The following NRXN3 variants were observed in gnomAD, a reference collection of about 807,000 sequenced individuals.
NRXN3 encodes the protein neurexin 3.
In NRXN3, 32 loss-of-function variants were observed where a neutral mutation model predicts 137.6. The observed-to-expected ratio is 0.23, with a 90% CI of 0.18 to 0.31. The LOEUF is 0.31. Among genes scored for constraint, NRXN3 ranks in the 10% least tolerant of loss-of-function variants. NRXN3 has a pLI of 1.00. For synonymous variants in NRXN3, 798 were observed against 784.5 expected (o/e 1.02, Z -0.29); for missense variants, 1,574 against 2,062.5 (o/e 0.76, Z 4.59).
Position 78,202,357 on chromosome 14 carries a change from G to A in NRXN3, c.-704+31683G>A, listed in dbSNP as rs536474650. 4.6e-5 allele frequency among the ~76,000 whole-genome samples: 7 copies of A among 152,320 alleles called. No homozygotes were observed. The South Asian group carries it at 8.3e-4, about 18-fold the overall frequency. ...AAAAGGACTTTGTGGATTTCCTGTC[G>A]GTTAAAGATGTGGCAGCATTATTGT... On this transcript the variant is annotated intron_variant, in intron 1 of 20. Coordinates refer to ENST00000335750, the MANE Select transcript of NRXN3 (RefSeq NM_001330195.2).
intron 4 of NRXN3, among the ~76,000 whole-genome samples, chr14:78,609,940 C>T (rs1371110477): frequency 6.6e-6 from 1 of 151,724 alleles, no homozygotes; most frequent in Non-Finnish European, 1.5e-5. Flanking sequence ...TACCAGCAAA[C>T]AGGGATCCTT....
chr14:78,831,496 C>G (rs1039937265), intron 10 of NRXN3, among the ~76,000 whole-genome samples: 4 of 133,736 alleles, frequency 3.0e-5, no homozygotes, highest in Non-Finnish European at 6.1e-5. Context: ...GATTGTGCCA[C>G]TACACTCCAG....
At position 78,510,040 on chromosome 14, in the gene NRXN3, T is replaced by TTATATATATATATATATATATATATA. The variant is rs57232548; in HGVS notation, c.758-135061_758-135060insATATATATATATATATATATATATAT. Among the ~76,000 whole-genome samples, 118 of 144,440 alleles carry TTATATATATATATATATATATATATA rather than the reference T, an allele frequency of 8.2e-4. 2 individuals are homozygous for TTATATATATATATATATATATATATA. The highest frequency in any genetic ancestry group is 8.1e-3 in the East Asian group (38 of 4,668). The allele number at this position is 144,440 out of a possible 152,430, so 94.8% of individuals were successfully genotyped here. On this transcript the variant is annotated intron_variant, in intron 4 of 20. Coordinates refer to ENST00000335750, the MANE Select transcript of NRXN3 (RefSeq NM_001330195.2). ...AAGGCAGCCAGAACATGACAAAATT[T>TTATATATATATATATATATATATATA]TATATATATATATATATATTTTGGC...
At chr14:79,012,011 A>G (rs780275211) in intron 15 of NRXN3, among the ~76,000 whole-genome samples, 2 of 152,196 alleles carry the variant, frequency 1.3e-5, no homozygotes, top group South Asian at 4.1e-4. Context: ...TTATTTGTTG[A>G]CTGTTGTGAA....
At chr14:79,038,004 G>A (rs748800720) in intron 15 of NRXN3, among the ~76,000 whole-genome samples, 9 of 152,066 alleles carry the variant, frequency 5.9e-5, no homozygotes, top group Non-Finnish European at 1.2e-4. Context: ...TTTGTAGACT[G>A]TTGGGATTCC....
At chr14:79,425,845 C>A (rs536299725) in intron 15 of NRXN3, among the ~76,000 whole-genome samples, 1 of 152,256 alleles carries the variant, frequency 6.6e-6, no homozygotes, top group South Asian at 2.1e-4. Context: ...GGACACTAGA[C>A]CCTAGGCCTC....
intron 10 of NRXN3, among the ~76,000 whole-genome samples, chr14:78,842,144 C>T (rs986260949): frequency 3.9e-5 from 6 of 152,012 alleles, no homozygotes; most frequent in Admixed American, 2.6e-4. Flanking sequence ...GAGTTCATCC[C>T]GAGGAGATTG....
At chr14:78,913,801 C>T (rs901755963) in intron 10 of NRXN3, among the ~76,000 whole-genome samples, 4 of 152,026 alleles carry the variant, frequency 2.6e-5, no homozygotes, top group Admixed American at 6.6e-5. Context: ...TTTGGAGATG[C>T]CTCATGGGAA....
chr14:79,239,200 C>T (rs111335630), intron 15 of NRXN3, among the ~76,000 whole-genome samples: 9 of 152,184 alleles, frequency 5.9e-5, no homozygotes, highest in African/African-American at 2.2e-4. Context: ...TGCTGTAATA[C>T]AAACAATGTG....
At chr14:79,819,696 A>G (rs1250017451) in intron 20 of NRXN3, among the ~76,000 whole-genome samples, 1 of 151,556 alleles carries the variant, frequency 6.6e-6, no homozygotes, top group Non-Finnish European at 1.5e-5. Context: ...TGTTGGCCAG[A>G]CTGGTCTCGA....
chr14:78,847,116 C>T lies in NRXN3; in HGVS notation c.2275+36772C>T, dbSNP rs562209611. 4.2e-4 allele frequency among the ~76,000 whole-genome samples: 64 copies of T among 152,228 alleles called. No individual in the cohort carries two copies. The Middle Eastern group carries it at 0.01, about 24-fold the overall frequency. The stretch of plus-strand genomic sequence containing the variant: ...CCTTCCGTCTCTGCAGCTCTTACCT[C>T]TACCTGAAAGGTAGGTATAAAGAGA... On this transcript the variant is annotated intron_variant, in intron 10 of 20. Transcript: ENST00000335750.
At chr14:78,868,711 C>G (rs560167549) in intron 10 of NRXN3, among the ~76,000 whole-genome samples, 52 of 152,132 alleles carry the variant, frequency 3.4e-4, no homozygotes, top group Non-Finnish European at 5.0e-4. Context: ...ATCCCAGCTA[C>G]TCAGGAGCCT....
At chr14:78,382,295 G>T (rs945196907) in intron 4 of NRXN3, among the ~76,000 whole-genome samples, 1 of 152,176 alleles carries the variant, frequency 6.6e-6, no homozygotes, top group African/African-American at 2.4e-5. Context: ...AGTTCAGTAT[G>T]ATGAGGTGGA....
intron 20 of NRXN3, among the ~76,000 whole-genome samples, chr14:79,815,286 C>G (rs759247070): frequency 2.6e-5 from 4 of 151,830 alleles, no homozygotes; most frequent in African/African-American, 9.7e-5. Context: ...GGGTTGAGCA[C>G]GAGAATATCA....
chr14:78,466,611 G>C (rs2095114306), intron 4 of NRXN3, among the ~76,000 whole-genome samples: 1 of 152,170 alleles, frequency 6.6e-6, no homozygotes, highest in Non-Finnish European at 1.5e-5. Context: ...AAAGGCCATA[G>C]GGAGCTATGG....
intron 15 of NRXN3, among the ~76,000 whole-genome samples, chr14:79,400,466 T>C (rs1179833873): frequency 6.6e-6 from 1 of 152,206 alleles, no homozygotes; most frequent in Non-Finnish European, 1.5e-5. Context: ...TTCCATTGTA[T>C]AGATGGGAAA....
intron 16 of NRXN3, among the ~76,000 whole-genome samples, chr14:79,504,640 T>TA (rs59896269): frequency 2.3e-3 from 172 of 75,376 alleles, no homozygotes; most frequent in African/African-American, 5.0e-3. Flanking sequence ...AATGAAGTTT[T>TA]TTATATATAT....
chr14:78,943,523 G>A (rs1414740937), intron 10 of NRXN3, among the ~76,000 whole-genome samples: 1 of 148,604 alleles, frequency 6.7e-6, no homozygotes, highest in Non-Finnish European at 1.5e-5. Flanking sequence ...TATGAGGAGG[G>A]CTTCTGTGAG....
chr14:79,386,502 A>G (rs1280515898), intron 15 of NRXN3, among the ~76,000 whole-genome samples: 2 of 152,290 alleles, frequency 1.3e-5, no homozygotes, highest in African/African-American at 4.8e-5. Context: ...GGAAGAATCA[A>G]TATCGTGAAA....
Sources: gnomAD v4.1 joint callset for allele counts (sites outside exome capture counted in the v4.1 genomes callset) on GRCh38, gnomAD v4.1.1 for gene constraint, MANE v1.5 for transcripts, NCBI Gene and HGNC (gene_info 2026-07-23, HGNC 2026-07-21) for gene names.